Variants in SYT1 observed in about 807,000 individuals in gnomAD.
SYT1 encodes the protein synaptotagmin 1.
In SYT1, 8 loss-of-function variants were observed where a neutral mutation model predicts 44.8. The observed-to-expected ratio is 0.18, with a 90% CI of 0.10 to 0.32. The LOEUF (loss-of-function observed/expected upper bound fraction) is 0.32, where lower values mean the gene tolerates loss of function less well. Among genes scored for constraint, SYT1 ranks in the 10% least tolerant of loss-of-function variants. The probability of loss-of-function intolerance (pLI) is 1.00; values close to 1 mark genes in which losing one functional copy is unlikely to be tolerated. For missense variants in SYT1, 286 were observed against 509.3 expected, an observed-to-expected ratio of 0.56 and a Z score of 4.22; for synonymous variants, 154 against 188.8, an observed-to-expected ratio of 0.82 and a Z score of 1.51.
At chr12:79,193,588 T>C (rs2138460506) in intron 3 of SYT1, among the ~76,000 whole-genome samples, 1 of 152,244 alleles carries the variant, frequency 6.6e-6, no homozygotes, top group Non-Finnish European at 1.5e-5. Context: ...CAAAGCTGGG[T>C]ATTGTGCCTC....
At chr12:79,269,937 T>C (rs1222105416) in intron 4 of SYT1, among the ~76,000 whole-genome samples, 3 of 152,234 alleles carry the variant, frequency 2.0e-5, no homozygotes, top group Non-Finnish European at 4.4e-5. Context: ...AATTATGTTC[T>C]ATGAGACTTT....
intron 3 of SYT1, among the ~76,000 whole-genome samples, chr12:79,117,661 T>C (rs1879349445): frequency 2.6e-5 from 1 of 38,324 alleles, no homozygotes; most frequent in African/African-American, 9.8e-5. Flanking sequence ...GTGTATTACA[T>C]CATATATATA....
At chr12:79,390,455 AT>A (rs534943231) in intron 9 of SYT1, among the ~76,000 whole-genome samples, 1 of 152,042 alleles carries the variant, frequency 6.6e-6, no homozygotes, top group Non-Finnish European at 1.5e-5. Flanking sequence ...CAATTCTACA[AT>A]TTTTTTAAAA....
At position 79,004,157 on chromosome 12, in the gene SYT1, C is replaced by T. The variant is rs546403666; in HGVS notation, c.-84+26226C>T. Among the ~76,000 whole-genome samples, 4 of 151,776 alleles carry T rather than the reference C, an allele frequency of 2.6e-5. No homozygotes were observed. The South Asian group carries it at 8.3e-4, about 32-fold the overall frequency. ...CATTCATATTCACTGAAATTTTATTCGATTTACAGTTATTAGTGAAGCTAC... is the reference window on the plus strand; with the variant it reads ...CATTCATATTCACTGAAATTTTATTTGATTTACAGTTATTAGTGAAGCTAC... On this transcript the variant is annotated intron_variant, in intron 2 of 10. Coordinates refer to ENST00000261205, the MANE Select transcript of SYT1 (RefSeq NM_005639.3).
intron 1 of SYT1, among the ~76,000 whole-genome samples, chr12:78,944,968 T>C (rs1254299809): frequency 6.6e-6 from 1 of 152,206 alleles, no homozygotes; most frequent in Non-Finnish European, 1.5e-5. Context: ...CTTTGAAATG[T>C]TGCAGAGACA....
At chr12:79,211,141 C>G (rs1205605875) in intron 3 of SYT1, among the ~76,000 whole-genome samples, 1 of 152,010 alleles carries the variant, frequency 6.6e-6, no homozygotes, top group African/African-American at 2.4e-5. Context: ...TCTTTCCAGC[C>G]TCTTCTCTGC....
Position 79,034,966 on chromosome 12 carries a change from G to A in SYT1, c.-83-12331G>A, listed in dbSNP as rs188516510. Among the ~76,000 whole-genome samples, 491 of 151,700 alleles carry A rather than the reference G, an allele frequency of 3.2e-3. 4 individuals are homozygous for A. Among genetic ancestry groups the A allele is most frequent in the African/African-American group, 0.011 (464 of 41,428 alleles). On this transcript the variant is annotated intron_variant, in intron 2 of 10. Coordinates refer to ENST00000261205, the MANE Select transcript of SYT1 (RefSeq NM_005639.3). Reference sequence around the variant, plus strand: ...TTATTTCTACAGTTGTTCTCCACATGGATGCCCAACAGTGGAAACCAAAGA... The same window carrying A: ...TTATTTCTACAGTTGTTCTCCACATAGATGCCCAACAGTGGAAACCAAAGA...
At chr12:78,958,023 G>A (rs992455190) in intron 1 of SYT1, among the ~76,000 whole-genome samples, 1 of 152,012 alleles carries the variant, frequency 6.6e-6, no homozygotes, top group Non-Finnish European at 1.5e-5. Context: ...TGAGATCATA[G>A]CCTGTTATAA....
At chr12:79,267,146 T>C (rs1026283778) in intron 4 of SYT1, among the ~76,000 whole-genome samples, 3 of 152,222 alleles carry the variant, frequency 2.0e-5, no homozygotes, top group African/African-American at 7.2e-5. Flanking sequence ...GGCATTTTTG[T>C]TTACTTATTG....
At chr12:79,101,641 C>T (rs1878451392) in intron 3 of SYT1, among the ~76,000 whole-genome samples, 1 of 152,108 alleles carries the variant, frequency 6.6e-6, no homozygotes, top group Non-Finnish European at 1.5e-5. Context: ...AATAAATAAG[C>T]TTGGTGTGGT....
At chr12:79,417,389 A>C (rs1190985251) in intron 9 of SYT1, among the ~76,000 whole-genome samples, 1 of 151,896 alleles carries the variant, frequency 6.6e-6, no homozygotes, top group Non-Finnish European at 1.5e-5. Flanking sequence ...TCTCTCTCTT[A>C]TCTCCACCTC....
At chr12:79,236,248 CT>C (rs1271833726) in intron 4 of SYT1, among the ~76,000 whole-genome samples, 1 of 152,186 alleles carries the variant, frequency 6.6e-6, no homozygotes, top group East Asian at 1.9e-4. Context: ...ACCTTTAGTA[CT>C]TCCCCCTTAG....
intron 1 of SYT1, among the ~76,000 whole-genome samples, chr12:78,896,590 T>G (rs990926197): frequency 1.3e-5 from 2 of 151,668 alleles, no homozygotes; most frequent in Admixed American, 6.6e-5. Flanking sequence ...GCAACCACCC[T>G]CCCCAAGGGG....
rs77423599 is a variant in SYT1, at chr12:79,036,817, G to C, written c.-83-10480G>C. On this transcript the variant is annotated intron_variant, in intron 2 of 10. Transcript: ENST00000261205. ...CATATCAGGCTATTCTCTTTCACGA[G>C]AGTGTTCACAATGGCCCATTTTAAT... Among the ~76,000 whole-genome samples, 759 of 151,608 alleles carry C rather than the reference G, an allele frequency of 5.0e-3. 9 individuals are homozygous for C. The highest frequency in any genetic ancestry group is 0.016 in the African/African-American group (654 of 41,404).
chr12:79,043,877 C>T (rs972087135), intron 2 of SYT1, among the ~76,000 whole-genome samples: 7 of 152,212 alleles, frequency 4.6e-5, no homozygotes, highest in East Asian at 3.9e-4. Context: ...ATTTCTCCTT[C>T]GCTTATGAAG....
intron 2 of SYT1, among the ~76,000 whole-genome samples, chr12:79,030,100 A>G (rs1872744377): frequency 6.6e-6 from 1 of 151,176 alleles, no homozygotes; most frequent in Admixed American, 6.6e-5. Flanking sequence ...TTCACTTTCT[A>G]AATTTTGCCT....
intron 9 of SYT1, among the ~76,000 whole-genome samples, chr12:79,404,431 C>G (rs375627831): frequency 5.3e-5 from 8 of 152,256 alleles, no homozygotes; most frequent in Admixed American, 3.9e-4. Flanking sequence ...ATTAAACAAG[C>G]CTCTCCCCCA....
At chr12:78,865,637 T>C (rs977178174) in intron 1 of SYT1, among the ~76,000 whole-genome samples, 1 of 151,640 alleles carries the variant, frequency 6.6e-6, no homozygotes, top group Non-Finnish European at 1.5e-5. Context: ...GCAATTAAAC[T>C]GAATAAGGGG....
At chr12:78,931,121 C>T (rs139119761) in intron 1 of SYT1, among the ~76,000 whole-genome samples, 27 of 147,336 alleles carry the variant, frequency 1.8e-4, no homozygotes, top group African/African-American at 6.9e-4. Flanking sequence ...GAGATCGCAC[C>T]ACTGCACTCC....
Sources: gnomAD v4.1 joint callset for allele counts (sites outside exome capture counted in the v4.1 genomes callset) on GRCh38, gnomAD v4.1.1 for gene constraint, MANE v1.5 for transcripts, NCBI Gene and HGNC (gene_info 2026-07-23, HGNC 2026-07-21) for gene names.